ATP9B: variants seen among roughly 807,000 people sequenced by gnomAD.
ATP9B encodes the protein ATPase phospholipid transporting 9B.
In ATP9B, 110 loss-of-function variants were observed where a neutral mutation model predicts 146.1. The observed-to-expected ratio is 0.75, with a 90% CI of 0.65 to 0.88. ATP9B has a LOEUF of 0.88. ATP9B is among the 40% of genes least tolerant of loss of function. ATP9B has a pLI of 0.00. For synonymous variants in ATP9B, 604 were observed against 569.7 expected (o/e 1.06, Z -0.86); for missense variants, 1,499 against 1,496.4 (o/e 1.00, Z -0.03).
intron 11 of ATP9B, among the ~76,000 whole-genome samples, chr18:79,215,826 A>T (rs955848384): frequency 2.0e-5 from 3 of 152,020 alleles, no homozygotes; most frequent in African/African-American, 7.3e-5. Context: ...AGTAGCTGGG[A>T]TTACAGATGA....
intron 7 of ATP9B, among the ~76,000 whole-genome samples, chr18:79,166,524 G>A (rs4077344): frequency 0.059 from 8,964 of 152,236 alleles, 353 homozygotes; most frequent in Middle Eastern, 0.092. Flanking sequence ...TGTCAGCCTG[G>A]AAGATGGTTT....
At chr18:79,252,786 GCTAA>G (rs1025251364) in intron 11 of ATP9B, among the ~76,000 whole-genome samples, 5 of 149,996 alleles carry the variant, frequency 3.3e-5, no homozygotes, top group Admixed American at 6.6e-5. Context: ...TTTTAAGCTA[GCTAA>G]CTATTGCTTT....
intron 22 of ATP9B, 76 bp downstream of exon 22, chr18:79,345,648 T>C: frequency 6.3e-7 from 1 of 1,596,516 alleles, no homozygotes; most frequent in East Asian, 2.2e-5. Flanking sequence ...CAAAGTTTGT[T>C]CCATCTCTAA....
chr18:79,088,846 C>T (rs545153053), intron 1 of ATP9B, among the ~76,000 whole-genome samples: 6 of 152,138 alleles, frequency 3.9e-5, no homozygotes, highest in Non-Finnish European at 7.4e-5. Context: ...TTTAAATTTC[C>T]GTGGGATAAT....
chr18:79,122,535 T>G (rs1470780544), intron 4 of ATP9B, among the ~76,000 whole-genome samples: 1 of 152,250 alleles, frequency 6.6e-6, no homozygotes, highest in African/African-American at 2.4e-5. Flanking sequence ...GACTGTGCTA[T>G]GAATTTCTTA....
chr18:79,364,851 G>A (rs1049367409), intron 26 of ATP9B, among the ~76,000 whole-genome samples: 6 of 152,018 alleles, frequency 3.9e-5, no homozygotes, highest in Admixed American at 6.6e-5. Flanking sequence ...TAGTGAGACC[G>A]TGTCTCTACA....
intron 5 of ATP9B, among the ~76,000 whole-genome samples, chr18:79,135,635 G>A (rs888553694): frequency 6.6e-6 from 1 of 152,054 alleles, no homozygotes; most frequent in South Asian, 2.1e-4. Flanking sequence ...TAGCCCCTTC[G>A]ATCTTCTATT....
Position 79,193,175 on chromosome 18 carries a change from T to A in ATP9B, c.874-8T>A. On this transcript the variant is annotated splice_region_variant and splice_polypyrimidine_tract_variant and intron_variant, in intron 8 of 29. Coordinates refer to ENST00000426216, the MANE Select transcript of ATP9B (RefSeq NM_198531.5). ...CATTCTAATCGATTCAAATGTTCTG[T>A]ATTCCAGGACCTTTTTTCTATCAGT... The A allele has an allele frequency of 6.3e-7, 1 of 1,582,720 alleles. No individual in the cohort carries two copies. The highest frequency in any genetic ancestry group is 1.1e-5 in the South Asian group (1 of 88,984).
chr18:79,361,784 T>C, intron 26 of ATP9B: 1 of 985,496 alleles, frequency 1.0e-6, no homozygotes. Context: ...TGTTGTCTGA[T>C]GATCGGGGCA....
rs114097287 is a variant in ATP9B at position 79,346,342 on chromosome 18, C to T, written c.2682+503C>T. 1.7e-3 allele frequency among the ~76,000 whole-genome samples: 256 copies of T among 151,176 alleles called. 4 individuals carry two copies. The highest frequency in any genetic ancestry group is 5.7e-3 in the African/African-American group (235 of 41,110). On this transcript the variant is annotated intron_variant, in intron 23 of 29. Transcript: ENST00000426216. Reference sequence around the variant, plus strand: ...TAGCACACTACACATGCTCAGCACACGGTCAGTGCACGTCAGCACATGCTC... The same window carrying T: ...TAGCACACTACACATGCTCAGCACATGGTCAGTGCACGTCAGCACATGCTC...
intron 11 of ATP9B, among the ~76,000 whole-genome samples, chr18:79,250,098 C>G (rs1361131779): frequency 1.3e-5 from 2 of 152,210 alleles, no homozygotes; most frequent in Non-Finnish European, 1.5e-5. Context: ...CTGTCTTCAT[C>G]AATGAGAAAG....
intron 15 of ATP9B, among the ~76,000 whole-genome samples, chr18:79,327,787 G>T (rs1159579678): frequency 3.2e-5 from 4 of 126,178 alleles, no homozygotes; most frequent in African/African-American, 1.2e-4. Context: ...GCTCTCCGTG[G>T]TTAGCGTGCT....
intron 13 of ATP9B, among the ~76,000 whole-genome samples, chr18:79,278,622 G>T (rs1473599151): frequency 6.6e-6 from 1 of 152,122 alleles, no homozygotes; most frequent in Non-Finnish European, 1.5e-5. Context: ...TGATGAATTT[G>T]TAACTTTAGT....
intron 11 of ATP9B, among the ~76,000 whole-genome samples, chr18:79,216,299 C>T (rs183472102): frequency 1.2e-3 from 178 of 152,236 alleles, no homozygotes; most frequent in Middle Eastern, 6.8e-3. Context: ...CCTAGTTTTG[C>T]AAGCATGGTT....
chr18:79,290,092 G>A (rs1447824828), intron 13 of ATP9B, among the ~76,000 whole-genome samples: 2 of 152,110 alleles, frequency 1.3e-5, no homozygotes, highest in African/African-American at 4.8e-5. Flanking sequence ...GAGGCAGTCT[G>A]CCCGTTCTCA....
intron 14 of ATP9B, among the ~76,000 whole-genome samples, chr18:79,306,321 G>A (rs2096620241): frequency 6.6e-6 from 1 of 152,190 alleles, no homozygotes; most frequent in African/African-American, 2.4e-5. Context: ...TGCTTTGGTG[G>A]TGCCGATGAA....
At chr18:79,185,766 T>C (rs2095302388) in intron 8 of ATP9B, among the ~76,000 whole-genome samples, 1 of 152,188 alleles carries the variant, frequency 6.6e-6, no homozygotes, top group Non-Finnish European at 1.5e-5. Context: ...TTCGTGTCTC[T>C]CGTGGTGTAG....
chr18:79,356,912 G>A (rs2096958125), intron 25 of ATP9B, among the ~76,000 whole-genome samples: 1 of 27,396 alleles, frequency 3.7e-5, no homozygotes, highest in Non-Finnish European at 7.7e-5. Context: ...TGTGTGAGGG[G>A]TGTCCTGGGT....
intron 1 of ATP9B, chr18:79,078,089 G>C (rs2072833265): frequency 6.6e-6 from 1 of 152,396 alleles, no homozygotes; most frequent in African/African-American, 2.4e-5. Context: ...GGGCAATGGG[G>C]AGAGTGTCTT....
Sources: allele counts gnomAD v4.1 joint callset (sites outside exome capture counted in the v4.1 genomes callset), GRCh38; gene constraint gnomAD v4.1.1; transcripts MANE v1.5; gene names NCBI Gene and HGNC (gene_info 2026-07-23, HGNC 2026-07-21).